C12orf42: variants seen among roughly 807,000 people sequenced by gnomAD.
C12orf42 encodes the protein uncharacterized protein C12orf42.
In C12orf42, 25 loss-of-function variants were observed where a neutral mutation model predicts 21.6. That is an observed-to-expected ratio of 1.16 (90% CI 0.84 to 1.62). C12orf42 has a LOEUF of 1.62. C12orf42 is among the 40% of genes most tolerant of loss of function. The probability of loss-of-function intolerance (pLI) is 0.00; values close to 1 mark genes in which losing one functional copy is unlikely to be tolerated. For missense variants in C12orf42, 483 were observed against 459.3 expected, an observed-to-expected ratio of 1.05 and a Z score of -0.47; for synonymous variants, 174 against 175.0, an observed-to-expected ratio of 0.99 and a Z score of 0.05.
chr12:103,412,451 CTGGGG>C (rs1241289731), intron 2 of C12orf42, among the ~76,000 whole-genome samples: 2 of 152,158 alleles, frequency 1.3e-5, no homozygotes, highest in Non-Finnish European at 2.9e-5. Flanking sequence ...GGCAGATCAC[CTGGGG>C]TCAGGAGTTC....
chr12:103,509,010 T>G, the C12orf42 span, among the ~76,000 whole-genome samples: 3 of 152,202 alleles, frequency 2.0e-5, no homozygotes, highest in Non-Finnish European at 4.4e-5. Flanking sequence ...TTTCTCTCTT[T>G]TATACAAGAG....
At chr12:103,075,384 T>C in the C12orf42 span, among the ~76,000 whole-genome samples, 1 of 151,984 alleles carries the variant, frequency 6.6e-6, no homozygotes, top group Non-Finnish European at 1.5e-5. Context: ...AGATCAAGAG[T>C]TGGTTCCAAA....
intron 1 of C12orf42, among the ~76,000 whole-genome samples, chr12:103,487,617 T>G (rs1045969134): frequency 6.6e-6 from 1 of 152,220 alleles, no homozygotes; most frequent in African/African-American, 2.4e-5. Flanking sequence ...TCTAAGGACT[T>G]GCTTTATGAA....
At chr12:103,191,069 T>C in the C12orf42 span, among the ~76,000 whole-genome samples, 9 of 152,332 alleles carry the variant, frequency 5.9e-5, no homozygotes, top group Middle Eastern at 3.4e-3. Context: ...GATTTCTCAG[T>C]AGAAAACTTG....
chr12:103,425,947 C>T (rs567792921), intron 2 of C12orf42, among the ~76,000 whole-genome samples: 1 of 152,176 alleles, frequency 6.6e-6, no homozygotes, highest in Non-Finnish European at 1.5e-5. Flanking sequence ...ACACAAAAAC[C>T]CCATCCAAAG....
At chr12:103,099,680 AT>A in the C12orf42 span, among the ~76,000 whole-genome samples, 1 of 152,196 alleles carries the variant, frequency 6.6e-6, no homozygotes, top group Non-Finnish European at 1.5e-5. Context: ...CATTTTTCTT[AT>A]GATTTTAAAA....
At chr12:103,164,574 G>T in the C12orf42 span, 5 of 418,734 alleles carry the variant, frequency 1.2e-5, no homozygotes, top group Non-Finnish European at 2.4e-5. Flanking sequence ...CAGTATAAAA[G>T]ACATTGTCCT....
chr12:103,389,222 G>A (rs899609616), intron 3 of C12orf42, among the ~76,000 whole-genome samples: 7 of 152,138 alleles, frequency 4.6e-5, no homozygotes, highest in Admixed American at 3.9e-4. Context: ...GGGGGTGGGG[G>A]ATTTAAGCAT....
chr12:103,290,772 C>T (rs2136362018), intron 4 of C12orf42, among the ~76,000 whole-genome samples: 1 of 152,140 alleles, frequency 6.6e-6, no homozygotes, highest in African/African-American at 2.4e-5. Context: ...GTGTTAATTC[C>T]ATGCACGCTA....
chr12:103,165,811 G>A, the C12orf42 span, among the ~76,000 whole-genome samples: 2 of 151,918 alleles, frequency 1.3e-5, no homozygotes, highest in Non-Finnish European at 2.9e-5. Context: ...GGAGGCCGAG[G>A]GGGTAGATCA....
intron 3 of C12orf42, among the ~76,000 whole-genome samples, chr12:103,380,164 T>C (rs961519985): frequency 6.6e-6 from 1 of 152,270 alleles, no homozygotes; most frequent in South Asian, 2.1e-4. Context: ...ACCTCTAAAA[T>C]CAAAGTATAA....
intron 3 of C12orf42, among the ~76,000 whole-genome samples, chr12:103,379,683 G>A (rs2046002120): frequency 6.6e-6 from 1 of 152,188 alleles, no homozygotes; most frequent in South Asian, 2.1e-4. Context: ...ATATTTGGAT[G>A]TGTAAACATC....
At chr12:103,365,462 A>C (rs1222356857) in intron 4 of C12orf42, among the ~76,000 whole-genome samples, 1 of 150,760 alleles carries the variant, frequency 6.6e-6, no homozygotes, top group Non-Finnish European at 1.5e-5. Flanking sequence ...ATAGTACTGG[A>C]AGTCCTAGCC....
At chr12:103,199,561 T>C in the C12orf42 span, among the ~76,000 whole-genome samples, 3 of 152,104 alleles carry the variant, frequency 2.0e-5, no homozygotes, top group Non-Finnish European at 4.4e-5. Flanking sequence ...AAACCACATA[T>C]TTGATAAAGG....
the C12orf42 span, among the ~76,000 whole-genome samples, chr12:103,227,983 C>G: frequency 1.3e-5 from 2 of 152,120 alleles, no homozygotes; most frequent in African/African-American, 2.4e-5. Context: ...TGAGATGTTC[C>G]TTGGGCTGGT....
chr12:103,261,549 T>A (rs891729945), intron 10 of C12orf42, among the ~76,000 whole-genome samples: 1 of 151,920 alleles, frequency 6.6e-6, no homozygotes, highest in Non-Finnish European at 1.5e-5. Flanking sequence ...TTTTTCTGTT[T>A]GTATTTCCGT....
At chr12:103,253,965 AAG>A (rs1417765730) in intron 10 of C12orf42, among the ~76,000 whole-genome samples, 3 of 152,046 alleles carry the variant, frequency 2.0e-5, no homozygotes, top group African/African-American at 7.2e-5. Flanking sequence ...TGTTGTGCAG[AAG>A]CTCTTTAGTT....
the C12orf42 span, among the ~76,000 whole-genome samples, chr12:103,555,708 G>A: frequency 1.3e-5 from 2 of 152,092 alleles, no homozygotes; most frequent in South Asian, 2.1e-4. Context: ...CCAAGTGTTT[G>A]TATGCACATG....
the C12orf42 span, among the ~76,000 whole-genome samples, chr12:103,077,173 A>G: frequency 6.6e-6 from 1 of 152,328 alleles, no homozygotes; most frequent in Admixed American, 6.5e-5. Flanking sequence ...CTTTCCTTCT[A>G]AAGATAATTG....
Sources: allele counts gnomAD v4.1 joint callset (sites outside exome capture counted in the v4.1 genomes callset), GRCh38; gene constraint gnomAD v4.1.1; transcripts MANE v1.5; gene names NCBI Gene and HGNC (gene_info 2026-07-23, HGNC 2026-07-21).